The following FSTL4 variants were observed in gnomAD, a reference collection of about 807,000 sequenced individuals.
FSTL4 encodes follistatin like 4.
FSTL4 carries 28 observed loss-of-function variants against 78.2 expected under a neutral mutation model. The observed-to-expected ratio is 0.36, with a 90% CI of 0.27 to 0.49. The LOEUF (loss-of-function observed/expected upper bound fraction) is 0.49, where lower values mean the gene tolerates loss of function less well. FSTL4 is among the 20% of genes least tolerant of loss of function. FSTL4 has a pLI of 0.98. For missense variants in FSTL4, 922 were observed against 1,084.9 expected (o/e 0.85, Z 2.11); for synonymous variants, 422 against 440.5 (o/e 0.96, Z 0.53).
the FSTL4 span, among the ~76,000 whole-genome samples, chr5:133,775,649 G>T: frequency 2.6e-5 from 4 of 152,180 alleles, no homozygotes; most frequent in Non-Finnish European, 4.4e-5. Context: ...GGCCCAGAAG[G>T]TGGAAGAGTA....
chr5:133,204,639 C>G (rs1449192399), intron 14 of FSTL4, among the ~76,000 whole-genome samples: 1 of 152,002 alleles, frequency 6.6e-6, no homozygotes, highest in Non-Finnish European at 1.5e-5. Context: ...TGAGACCAGC[C>G]TGGCCAACAT....
the FSTL4 span, among the ~76,000 whole-genome samples, chr5:133,760,731 G>A: frequency 6.6e-6 from 1 of 152,126 alleles, no homozygotes; most frequent in Admixed American, 6.5e-5. Flanking sequence ...CTGCCTGCTA[G>A]AGTGAGAAAA....
At chr5:133,579,227 G>A (rs1249033403) in intron 2 of FSTL4, among the ~76,000 whole-genome samples, 1 of 152,192 alleles carries the variant, frequency 6.6e-6, no homozygotes, top group South Asian at 2.1e-4. Context: ...CTGGCGTAGC[G>A]TAGGCCCTAA....
At chr5:133,466,705 A>C (rs940125253) in intron 3 of FSTL4, among the ~76,000 whole-genome samples, 1 of 152,248 alleles carries the variant, frequency 6.6e-6, no homozygotes, top group Non-Finnish European at 1.5e-5. Context: ...GAACAGGGCA[A>C]GGCCCTGCCT....
At position 133,199,418 on chromosome 5, in the gene FSTL4, C is replaced by G. The variant is rs778735836; in HGVS notation, c.2206G>C (p.Asp736His). The part of the protein sequence containing the change: ...YDLQINSGIS[D>H]LAFQRSFTES... ...GTGAAGGAGCGCTGGAAGGCCAAGT[C>G]TGAGATGCCCGAGTTTATTTGCAGG... The change falls in exon 16 of 16, where the codon GAC (aspartate) becomes CAC (histidine). Residue 736 changes from aspartate (D) to histidine (H), a missense_variant. Physicochemically the swap from Asp to His is moderately conservative, Grantham distance 81. Coordinates refer to ENST00000265342, the MANE Select transcript of FSTL4 (RefSeq NM_015082.2). The surrounding 1 kb of genome is among the most constrained non-coding windows in gnomAD (Gnocchi z 4.4). 6.2e-7 allele frequency: 1 copy of G among 1,614,238 alleles called. No individual in the cohort carries two copies.
At chr5:133,721,603 C>T in the FSTL4 span, among the ~76,000 whole-genome samples, 2 of 152,260 alleles carry the variant, frequency 1.3e-5, no homozygotes, top group South Asian at 2.1e-4. Flanking sequence ...ATATATCATC[C>T]CATTCTATAC....
At chr5:133,772,795 G>A in the FSTL4 span, among the ~76,000 whole-genome samples, 1 of 152,058 alleles carries the variant, frequency 6.6e-6, no homozygotes, top group Admixed American at 6.6e-5. Flanking sequence ...CCTCTTAAAG[G>A]TACTACTTCT....
chr5:133,507,843 TAATAA>T (rs1052653679), intron 3 of FSTL4, among the ~76,000 whole-genome samples: 5 of 149,918 alleles, frequency 3.3e-5, no homozygotes, highest in African/African-American at 4.9e-5. Flanking sequence ...AAAATAATAA[TAATAA>T]AATAAAATAA....
intron 6 of FSTL4, among the ~76,000 whole-genome samples, chr5:133,268,258 G>A (rs746294193): frequency 1.3e-5 from 2 of 152,096 alleles, no homozygotes; most frequent in African/African-American, 2.4e-5. Context: ...ATCTATTGTC[G>A]CCCAAGCTCC....
intron 4 of FSTL4, among the ~76,000 whole-genome samples, chr5:133,344,342 A>T (rs1754651823): frequency 6.6e-6 from 1 of 152,244 alleles, no homozygotes; most frequent in African/African-American, 2.4e-5. Context: ...TTCTGTAACT[A>T]TAAGTAATAA....
At chr5:133,296,802 G>C (rs1561661049) in intron 6 of FSTL4, among the ~76,000 whole-genome samples, 2 of 152,202 alleles carry the variant, frequency 1.3e-5, no homozygotes, top group Admixed American at 6.5e-5. Flanking sequence ...GTTCCGTGAG[G>C]GCAAGAGTTT....
rs1193642399 is a variant in FSTL4 at position 133,611,536 on chromosome 5, C to T, written c.-11+789G>A. On this transcript the variant is annotated intron_variant, in intron 1 of 15. Transcript: ENST00000265342. The surrounding 1 kb of genome is among the most constrained non-coding windows in gnomAD (Gnocchi z 4.9). ...TTGCGGGCGCAAAGAGGGCGGAGAT[C>T]ATCCACAGTGCAAGCTCTCTTAGGA... 6.6e-6 allele frequency among the ~76,000 whole-genome samples: 1 copy of T among 152,210 alleles called. No homozygotes were observed. The highest frequency in any genetic ancestry group is 6.5e-5 in the Admixed American group (1 of 15,288).
the FSTL4 span, among the ~76,000 whole-genome samples, chr5:133,666,019 C>T: frequency 6.6e-6 from 1 of 151,982 alleles, no homozygotes; most frequent in African/African-American, 2.4e-5. Context: ...GGCTTAACCC[C>T]GATTAAAGTC....
chr5:133,686,700 A>G, the FSTL4 span, among the ~76,000 whole-genome samples: 1 of 152,084 alleles, frequency 6.6e-6, no homozygotes, highest in Admixed American at 6.5e-5. Flanking sequence ...GTCAGGGGAT[A>G]AGGGAAATGA....
intron 6 of FSTL4, among the ~76,000 whole-genome samples, chr5:133,287,849 C>T (rs562719610): frequency 3.0e-4 from 46 of 152,312 alleles, no homozygotes; most frequent in African/African-American, 8.9e-4. Flanking sequence ...CATTCAAATG[C>T]CAAACACCAC....
At chr5:133,571,942 CAG>C (rs1328123157) in intron 2 of FSTL4, among the ~76,000 whole-genome samples, 3 of 152,082 alleles carry the variant, frequency 2.0e-5, no homozygotes, top group African/African-American at 7.2e-5. Context: ...ATTAAATTTT[CAG>C]AGTGAAAATT....
chr5:133,668,541 T>G, the FSTL4 span, among the ~76,000 whole-genome samples: 4 of 152,200 alleles, frequency 2.6e-5, no homozygotes, highest in Admixed American at 2.6e-4. Flanking sequence ...AGAGATACTC[T>G]TGGGGTATAT....
intron 14 of FSTL4, among the ~76,000 whole-genome samples, chr5:133,205,059 G>GTAAT (rs1175658489): frequency 2.6e-5 from 4 of 152,164 alleles, no homozygotes; most frequent in Non-Finnish European, 5.9e-5. Flanking sequence ...GCATCATGCT[G>GTAAT]TAATTCCTGG....
chr5:133,414,285 A>T (rs979112660), intron 3 of FSTL4, among the ~76,000 whole-genome samples: 1 of 152,158 alleles, frequency 6.6e-6, no homozygotes, highest in Admixed American at 6.5e-5. Context: ...CCAAGATTTG[A>T]GGCAGGAACA....
Sources: allele counts gnomAD v4.1 joint callset (sites outside exome capture counted in the v4.1 genomes callset), GRCh38; gene constraint gnomAD v4.1.1; non-coding constraint Gnocchi (gnomAD v3.1); transcripts MANE v1.5; gene names NCBI Gene and HGNC (gene_info 2026-07-23, HGNC 2026-07-21).